Variants in PSAP observed in about 807,000 individuals in gnomAD.
PSAP encodes precursor of saposins.
PSAP carries 25 observed loss-of-function variants against 66.0 expected under a neutral mutation model. The observed-to-expected ratio is 0.38, with a 90% confidence interval of 0.28 to 0.53. The LOEUF (loss-of-function observed/expected upper bound fraction) is 0.53. PSAP is among the 20% of genes least tolerant of loss of function. PSAP has a pLI of 0.83. For synonymous variants in PSAP, 273 were observed against 258.9 expected (o/e 1.05, Z -0.52); for missense variants, 649 against 668.8 (o/e 0.97, Z 0.33).
intron 1 of PSAP, among the ~76,000 whole-genome samples, chr10:71,850,444 A>T (rs1248046565): frequency 6.6e-6 from 1 of 151,890 alleles, no homozygotes; most frequent in African/African-American, 2.4e-5. Flanking sequence ...CGCCGCTTTG[A>T]GTTGTTTCGC....
chr10:71,820,200 G>A (rs1452859428), intron 9 of PSAP, 40 bp downstream of exon 9: 1 of 1,534,680 alleles, frequency 6.5e-7, no homozygotes, highest in African/African-American at 1.4e-5. Flanking sequence ...AGGCTCGGGG[G>A]GGCAGGAGAG....
intron 4 of PSAP, among the ~76,000 whole-genome samples, chr10:71,829,799 G>A (rs1384472722): frequency 6.6e-6 from 1 of 152,004 alleles, no homozygotes; most frequent in East Asian, 1.9e-4. Context: ...AGGAGTTCAA[G>A]ACCACCCTGG....
In PSAP at chr10:71,831,220, C is replaced by T; in HGVS notation, c.281G>A (p.Cys94Tyr). 6.2e-7 allele frequency: 1 copy of T among 1,614,110 alleles called. No homozygotes were observed. Among genetic ancestry groups the T allele is most frequent in the Non-Finnish European group, 8.5e-7 (1 of 1,179,988 alleles). ...EEILVYLEKT[C>Y]DWLPKPNMSA... is the part of the protein sequence containing the mutation. ...CATGTTCGGTTTCGGAAGCCAGTCACAGGTCTTCTCCAAGTAAACAAGGAT... is the reference window on the plus strand; with the variant it reads ...CATGTTCGGTTTCGGAAGCCAGTCATAGGTCTTCTCCAAGTAAACAAGGAT... Residue 94 changes from cysteine to tyrosine, a missense_variant, in exon 4 of 14, where the codon TGT (cysteine) becomes TAT (tyrosine). Physicochemically the swap from Cys to Tyr is radical, Grantham distance 194. Transcript: ENST00000394936.
intron 1 of PSAP, among the ~76,000 whole-genome samples, chr10:71,836,762 G>A (rs1396487504): frequency 5.3e-5 from 8 of 152,154 alleles, no homozygotes; most frequent in Non-Finnish European, 2.9e-5. Flanking sequence ...TCTCAGCAGG[G>A]AACTAGCTAC....
In PSAP at chr10:71,817,494, G is replaced by A; in HGVS notation, c.1540-18C>T. ...TCGACAGCCTGGTAGGAGAGAGGAA[G>A]CTGAGTTTAGTCTTCGGATGAAAAA... On this transcript the variant is annotated intron_variant, in intron 13 of 13. Transcript: ENST00000394936. The A allele has an allele frequency of 6.2e-7, 1 of 1,613,634 alleles. No individual in the cohort carries two copies. Among genetic ancestry groups the A allele is most frequent in the Middle Eastern group, 1.7e-4 (1 of 6,042 alleles).
At position 71,848,414 on chromosome 10, in the gene PSAP, T is replaced by C. The variant is rs551798730; in HGVS notation, c.40+2768A>G. ...TTCTGGTCCTGGCATCCCCAGTAAA[T>C]GGTCTATGATTTGGGAGAGTCACCT... On this transcript the variant is annotated intron_variant, in intron 1 of 13. Transcript: ENST00000394936. 4.9e-4 allele frequency among the ~76,000 whole-genome samples: 74 copies of C among 152,240 alleles called. 1 individual carries two copies. Among genetic ancestry groups the C allele is most frequent in the African/African-American group, 1.6e-3 (66 of 41,540 alleles).
rs1221446028 is a variant in PSAP, at chr10:71,828,031, G to A, written c.703C>T (p.Pro235Ser). Residue 235 changes from proline to serine, a missense_variant, in exon 6 of 14, where the codon CCT (proline) becomes TCT (serine). Pro to Ser is a moderately conservative substitution (Grantham distance 74, BLOSUM62 -1). Coordinates refer to ENST00000394936, the MANE Select transcript of PSAP (RefSeq NM_002778.4). ...HVKEECDRLG[P>S]GMADICKNYI... ...AGGCTCACTATGTCGGCCATGCCAG[G>A]GCCCAGGCGGTCACACTCCTCCTTG... 3.1e-6 allele frequency: 5 copies of A among 1,614,016 alleles called. No individual in the cohort carries two copies. Among genetic ancestry groups the A allele is most frequent in the Non-Finnish European group, 4.2e-6 (5 of 1,180,036 alleles).
intron 1 of PSAP, among the ~76,000 whole-genome samples, chr10:71,836,650 G>T (rs1164235963): frequency 6.6e-6 from 1 of 152,162 alleles, no homozygotes; most frequent in Non-Finnish European, 1.5e-5. Flanking sequence ...CCAGAGCCAA[G>T]ACAGAGGAGT....
intron 1 of PSAP, among the ~76,000 whole-genome samples, chr10:71,843,144 T>C (rs1368133876): frequency 1.3e-5 from 2 of 151,990 alleles, no homozygotes; most frequent in African/African-American, 2.4e-5. Flanking sequence ...GGAACTCTGA[T>C]AAGGCAACAT....
chr10:71,829,569 G>A (rs185160434), intron 4 of PSAP, among the ~76,000 whole-genome samples: 24 of 152,264 alleles, frequency 1.6e-4, no homozygotes, highest in Admixed American at 1.3e-3. Flanking sequence ...CCCCAGCCAC[G>A]TGGAACTGTG....
At chr10:71,836,947 C>T (rs1842638192) in intron 1 of PSAP, among the ~76,000 whole-genome samples, 1 of 152,178 alleles carries the variant, frequency 6.6e-6, no homozygotes, top group Non-Finnish European at 1.5e-5. Context: ...TCTTGGGCAG[C>T]CCCTTGTATC....
At chr10:71,838,912 A>G (rs1259358118) in intron 1 of PSAP, among the ~76,000 whole-genome samples, 1 of 152,208 alleles carries the variant, frequency 6.6e-6, no homozygotes, top group Non-Finnish European at 1.5e-5. Flanking sequence ...AGGAGCTCCA[A>G]GTCTTCACTC....
intron 5 of PSAP, 92 bp downstream of exon 5, chr10:71,828,785 T>C: frequency 7.1e-7 from 1 of 1,418,224 alleles, no homozygotes; most frequent in Admixed American, 1.9e-5. Context: ...TAAGCCCCAG[T>C]TTAAGAACCA....
intron 3 of PSAP, 105 bp downstream of exon 3, chr10:71,831,741 C>T: frequency 8.6e-7 from 1 of 1,168,664 alleles, no homozygotes; most frequent in South Asian, 1.2e-5. Context: ...ATTTGCCACC[C>T]TCAGGCCTAC....
At chr10:71,823,905 CA>C in intron 7 of PSAP, 4 of 1,294,762 alleles carry the variant, frequency 3.1e-6, no homozygotes, top group South Asian at 1.2e-5. Context: ...TGCTGTTGAA[CA>C]AAAAAACAGG....
intron 5 of PSAP, 146 bp from the exon 6 acceptor site, chr10:71,828,303 T>G (rs1354326882): frequency 1.2e-6 from 1 of 841,238 alleles, no homozygotes; most frequent in Admixed American, 1.9e-5. Flanking sequence ...CTGATAGGCT[T>G]AAAATCGATT....
intron 1 of PSAP, among the ~76,000 whole-genome samples, chr10:71,845,903 T>C (rs1212856461): frequency 6.6e-6 from 1 of 152,188 alleles, no homozygotes; most frequent in African/African-American, 2.4e-5. Context: ...CCTGGCTTGT[T>C]TTCCTGACTC....
Position 71,828,990 on chromosome 10 carries a change from C to T in PSAP, c.463G>A (p.Glu155Lys). Reference sequence around the variant, plus strand: ...TCCAGCTCTGGGATCTTATTGGACTCCAGCTGCTTCTGGTGATTCAGCTCT... The same window carrying T: ...TCCAGCTCTGGGATCTTATTGGACTTCAGCTGCTTCTGGTGATTCAGCTCT... ...LAELNHQKQLESNKIPELDMT... is the reference protein window; with the variant it reads ...LAELNHQKQLKSNKIPELDMT... Residue 155 changes from glutamate to lysine, a missense_variant, in exon 5 of 14, where the codon GAG (glutamate) becomes AAG (lysine). Transcript: ENST00000394936. 6.2e-7 allele frequency: 1 copy of T among 1,614,132 alleles called. No homozygotes were observed. Among genetic ancestry groups the T allele is most frequent in the South Asian group, 1.1e-5 (1 of 91,078 alleles).
intron 1 of PSAP, among the ~76,000 whole-genome samples, chr10:71,842,005 T>G (rs1199685520): frequency 7.1e-6 from 1 of 141,394 alleles, no homozygotes; most frequent in Non-Finnish European, 1.5e-5. Flanking sequence ...GACTCCGTCT[T>G]AAAAAAAAAA....
Sources: allele counts gnomAD v4.1 joint callset (sites outside exome capture counted in the v4.1 genomes callset), GRCh38; gene constraint gnomAD v4.1.1; transcripts MANE v1.5; gene names NCBI Gene and HGNC (gene_info 2026-07-23, HGNC 2026-07-21).